Variants in ANO4 observed in about 807,000 individuals in gnomAD.
ANO4 encodes anoctamin 4.
Under a neutral mutation model 141.9 loss-of-function variants are expected in ANO4, and 69 were observed. The observed-to-expected ratio is 0.49, with a 90% CI of 0.40 to 0.59. The LOEUF (loss-of-function observed/expected upper bound fraction) is 0.59, where lower values mean the gene tolerates loss of function less well. ANO4 is among the 20% of genes least tolerant of loss of function. ANO4 has a pLI of 0.00. For missense variants in ANO4, 894 were observed against 1,162.2 expected (o/e 0.77, Z 3.36); for synonymous variants, 350 against 394.3 (o/e 0.89, Z 1.33).
chr12:100,784,906 G>C (rs1382338200), intron 3 of ANO4, among the ~76,000 whole-genome samples: 2 of 147,730 alleles, frequency 1.4e-5, no homozygotes, highest in Non-Finnish European at 1.5e-5. Flanking sequence ...GTTTTATGTG[G>C]GGTGTAGGGA....
intron 1 of ANO4, among the ~76,000 whole-genome samples, chr12:100,802,515 A>C (rs1012772344): frequency 6.6e-6 from 1 of 152,230 alleles, no homozygotes; most frequent in Non-Finnish European, 1.5e-5. Context: ...AGATTGAAGA[A>C]TTTGGAGGAA....
intron 22 of ANO4, among the ~76,000 whole-genome samples, chr12:101,109,961 C>A (rs1391267212): frequency 1.2e-4 from 19 of 152,158 alleles, no homozygotes; most frequent in Non-Finnish European, 7.3e-5. Context: ...AATATTCTTT[C>A]ATACAAATTG....
chr12:100,965,303 A>G (rs1440394098), intron 5 of ANO4, among the ~76,000 whole-genome samples: 1 of 151,888 alleles, frequency 6.6e-6, no homozygotes, highest in Non-Finnish European at 1.5e-5. Context: ...AGTTCTTTCA[A>G]ACCTACCTCC....
intron 26 of ANO4, among the ~76,000 whole-genome samples, chr12:101,123,799 T>C (rs76346525): frequency 5.3e-5 from 8 of 152,296 alleles, no homozygotes; most frequent in Admixed American, 6.5e-5. Flanking sequence ...TGTATGTTTA[T>C]AATAGAATGA....
intron 17 of ANO4, among the ~76,000 whole-genome samples, chr12:101,089,678 G>A (rs1273095536): frequency 2.0e-5 from 3 of 152,050 alleles, no homozygotes; most frequent in African/African-American, 7.2e-5. Flanking sequence ...AAATGCCTGT[G>A]TGGCATGGGC....
At position 101,118,195 on chromosome 12, in the gene ANO4, A is replaced by C. The variant is rs2050932110; in HGVS notation, c.2570+1397A>C. 2.0e-5 allele frequency among the ~76,000 whole-genome samples: 3 copies of C among 152,192 alleles called. No homozygotes were observed. In the South Asian group the frequency reaches 6.2e-4, roughly 32 times the overall value. ...GACATATACAGGATCCTAAGTATGA[A>C]ATGCTTCAAAATAAAATGCCAACTA... On this transcript the variant is annotated intron_variant, in intron 25 of 27. Coordinates refer to ENST00000392977, the MANE Select transcript of ANO4 (RefSeq NM_001286615.2).
At chr12:100,772,754 A>G (rs567568323) in intron 3 of ANO4, among the ~76,000 whole-genome samples, 3 of 152,168 alleles carry the variant, frequency 2.0e-5, no homozygotes, top group Admixed American at 2.0e-4. Flanking sequence ...GTCAGAAGAA[A>G]CCTCCCAACC....
intron 3 of ANO4, among the ~76,000 whole-genome samples, chr12:100,755,674 CATTA>C (rs2032577029): frequency 6.6e-6 from 1 of 152,194 alleles, no homozygotes; most frequent in Middle Eastern, 3.4e-3. Flanking sequence ...ATCTAATTAC[CATTA>C]ATTGTCTTAG....
chr12:100,867,616 A>T (rs922488413), intron 1 of ANO4, among the ~76,000 whole-genome samples: 217 of 149,566 alleles, frequency 1.5e-3, no homozygotes, highest in South Asian at 5.9e-3. Flanking sequence ...TCTCTCTCAC[A>T]CACACACACA....
chr12:100,851,290 G>T (rs917151953), intron 1 of ANO4, among the ~76,000 whole-genome samples: 21 of 152,054 alleles, frequency 1.4e-4, no homozygotes, highest in African/African-American at 5.1e-4. Context: ...TATTATTAGT[G>T]AAGTAGAGTA....
chr12:100,748,534 A>G (rs556639867), intron 3 of ANO4, among the ~76,000 whole-genome samples: 1 of 152,356 alleles, frequency 6.6e-6, no homozygotes, highest in South Asian at 2.1e-4. Context: ...CCAGGGCAAT[A>G]TAAATTAGAA....
chr12:100,865,707 C>T (rs1387854338), intron 1 of ANO4, among the ~76,000 whole-genome samples: 3 of 152,234 alleles, frequency 2.0e-5, no homozygotes, highest in Middle Eastern at 3.4e-3. Context: ...CAGGTCTCAG[C>T]AGGAAACAGA....
intron 5 of ANO4, among the ~76,000 whole-genome samples, chr12:100,953,530 A>G (rs1351560699): frequency 6.6e-6 from 1 of 152,250 alleles, no homozygotes; most frequent in Non-Finnish European, 1.5e-5. Context: ...TGTGGTATCT[A>G]ATAACTCCAT....
chr12:101,053,147 A>C (rs2047941814), intron 14 of ANO4, among the ~76,000 whole-genome samples: 1 of 152,242 alleles, frequency 6.6e-6, no homozygotes, highest in Non-Finnish European at 1.5e-5. Context: ...AGTCCAATTT[A>C]CAATAGGCCA....
intron 12 of ANO4, among the ~76,000 whole-genome samples, chr12:101,042,794 A>G (rs567727731): frequency 1.3e-4 from 20 of 152,320 alleles, no homozygotes; most frequent in Non-Finnish European, 2.5e-4. Context: ...ATACTGCAAA[A>G]TAGTGAACTA....
chr12:101,014,109 A>G (rs1005898502), intron 8 of ANO4, among the ~76,000 whole-genome samples: 1 of 152,170 alleles, frequency 6.6e-6, no homozygotes, highest in South Asian at 2.1e-4. Context: ...ATATAAATAT[A>G]CAACGCCCAT....
chr12:100,986,582 C>G (rs934131699), intron 7 of ANO4, among the ~76,000 whole-genome samples: 60 of 152,244 alleles, frequency 3.9e-4, no homozygotes, highest in Non-Finnish European at 1.6e-4. Flanking sequence ...ATAACATTCA[C>G]TGAAAAGAAT....
At chr12:100,764,097 A>G (rs768061126) in intron 3 of ANO4, among the ~76,000 whole-genome samples, 3 of 152,204 alleles carry the variant, frequency 2.0e-5, no homozygotes, top group Non-Finnish European at 4.4e-5. Flanking sequence ...GTGTGTATCT[A>G]GGCATTCTGC....
rs1167784816 is a variant in ANO4 at position 101,104,627 on chromosome 12, GTATATATATATATATATA to G, written c.2149+4934_2149+4951del. On this transcript the variant is annotated intron_variant, in intron 22 of 27. Coordinates refer to ENST00000392977, the MANE Select transcript of ANO4 (RefSeq NM_001286615.2). The stretch of plus-strand genomic sequence containing the variant: ...TGTGTGTGTGTGTGTATGTATGTGT[GTATATATATATATATATA>G]TATATATATATATATATATATATAT... 4.1e-3 allele frequency among the ~76,000 whole-genome samples: 257 copies of G among 62,058 alleles called. 1 individual carries two copies. The highest frequency in any genetic ancestry group is 6.2e-3 in the East Asian group (13 of 2,086). The allele number at this position is 62,058 out of a possible 152,430, so 40.7% of individuals were successfully genotyped here.
Sources: allele counts gnomAD v4.1 joint callset (sites outside exome capture counted in the v4.1 genomes callset), GRCh38; gene constraint gnomAD v4.1.1; transcripts MANE v1.5; gene names NCBI Gene and HGNC (gene_info 2026-07-23, HGNC 2026-07-21).